The following CARD10 variants were observed in gnomAD, a reference collection of about 807,000 sequenced individuals.
CARD10 encodes the protein caspase recruitment domain-containing protein 10.
Under a neutral mutation model 114.6 loss-of-function variants are expected in CARD10, and 49 were observed. The ratio of observed to expected loss-of-function variants is 0.43; its 90% CI spans 0.34 to 0.54. The LOEUF is 0.54. CARD10 is among the 20% of genes least tolerant of loss of function. The pLI, the probability that CARD10 is intolerant of heterozygous loss-of-function variation, is 0.03. For synonymous variants in CARD10, 602 were observed against 593.2 expected, an observed-to-expected ratio of 1.01 and a Z score of -0.21; for missense variants, 1,206 against 1,397.2, an observed-to-expected ratio of 0.86 and a Z score of 2.18.
At chr22:37,503,062 G>T in intron 10 of CARD10, 123 bp downstream of exon 10, 2 of 1,112,952 alleles carry the variant, frequency 1.8e-6, no homozygotes, top group Non-Finnish European at 2.6e-6. Context: ...CAGGGGCCAC[G>T]GCGGGGCTTC....
chr22:37,503,289 C>T, intron 9 of CARD10, 76 bp from the exon 10 acceptor site: 2 of 1,396,814 alleles, frequency 1.4e-6, no homozygotes, highest in South Asian at 2.7e-5. Context: ...TCCTCCTGCC[C>T]CCACACCAGA....
intron 11 of CARD10, among the ~76,000 whole-genome samples, chr22:37,499,055 A>G (rs1204140389): frequency 2.0e-5 from 3 of 152,092 alleles, no homozygotes; most frequent in Non-Finnish European, 4.4e-5. Flanking sequence ...ATGGAATAGA[A>G]AGTACAATGC....
At chr22:37,512,609 C>G (rs376312613) in intron 3 of CARD10, among the ~76,000 whole-genome samples, 1 of 152,008 alleles carries the variant, frequency 6.6e-6, no homozygotes, top group Non-Finnish European at 1.5e-5. Context: ...TCATGACTCC[C>G]GCATTCCTTT....
chr22:37,513,389 C>T (rs925135781), intron 3 of CARD10, among the ~76,000 whole-genome samples: 1 of 152,142 alleles, frequency 6.6e-6, no homozygotes, highest in Non-Finnish European at 1.5e-5. Flanking sequence ...GGATTACAGG[C>T]ATGAGCCACT....
At position 37,519,408 on chromosome 22, in the gene CARD10, G is replaced by A. The variant is rs1002864153; in HGVS notation, c.-208C>T. On this transcript the variant is annotated 5_prime_UTR_variant, in exon 1 of 20. Transcript: ENST00000251973. The surrounding 1 kb of genome is among the most constrained non-coding windows in gnomAD (Gnocchi z 4.1). ...CGGGCGGCGGCTCCGCCGGCGCAGGGGGGCGGTGCCCGTGGCGCCCCCGGC... is the reference window on the plus strand; with the variant it reads ...CGGGCGGCGGCTCCGCCGGCGCAGGAGGGCGGTGCCCGTGGCGCCCCCGGC... The A allele has an allele frequency of 4.1e-5, 48 of 1,182,562 alleles. No individual in the cohort carries two copies. The African/African-American group carries it at 7.0e-4, about 17-fold the overall frequency. The allele number at this position is 1,182,562 out of a possible 1,614,324, so 73.3% of individuals were successfully genotyped here.
Position 37,518,967 on chromosome 22 carries a change from G to C in CARD10, c.234C>G (p.Thr78=), listed in dbSNP as rs1220795297. The change falls in exon 1 of 20, where the codon ACC becomes ACG. Residue 78 remains threonine (T), a splice_region_variant and synonymous_variant. Transcript: ENST00000251973. ...GCCCACTCGGGACCCGCGGCTCACC[G>C]GTGCGGTTGACGCGGCACGGGAAGC... ...TYRFPCRVNR[T]GRLMDILRCR... 1.3e-6 allele frequency: 2 copies of C among 1,531,766 alleles called. No individual in the cohort carries two copies. Among genetic ancestry groups the C allele is most frequent in the Non-Finnish European group, 1.8e-6 (2 of 1,141,102 alleles). 94.9% of individuals were successfully genotyped at this position (1,531,766 alleles called of 1,614,324 possible).
chr22:37,492,336 A>G lies in CARD10; in HGVS notation c.2751+99T>C, dbSNP rs1189778161. ...GGGCCGCCCTGCCAGTGAGCAGCAG[A>G]GCATGGCCCGCGCTCAGACGCTGGC... On this transcript the variant is annotated intron_variant, in intron 18 of 19. Coordinates refer to ENST00000251973, the MANE Select transcript of CARD10 (RefSeq NM_014550.4). This position sits in a 1 kb window ranked among gnomAD's most constrained non-coding sequence, Gnocchi z 5.7. The G allele has an allele frequency of 1.9e-5, 17 of 892,620 alleles. No individual in the cohort carries two copies. The highest frequency in any genetic ancestry group is 2.7e-5 in the Non-Finnish European group (16 of 598,752). 55.3% of individuals were successfully genotyped at this position (892,620 alleles called of 1,614,324 possible).
chr22:37,491,874 G>C lies in CARD10; in HGVS notation c.2752-7C>G, dbSNP rs758601530. 6.3e-7 allele frequency: 1 copy of C among 1,591,124 alleles called. No individual in the cohort carries two copies. The highest frequency in any genetic ancestry group is 1.1e-5 in the South Asian group (1 of 90,744). ...GCTCCAGCAGGCAGTGCTTCTGCTT[G>C]GAGGATCGAGGCTACAATGTACTCC... On this transcript the variant is annotated splice_region_variant and splice_polypyrimidine_tract_variant and intron_variant, in intron 18 of 19. Coordinates refer to ENST00000251973, the MANE Select transcript of CARD10 (RefSeq NM_014550.4).
In CARD10 at chr22:37,491,021, G is replaced by A. The variant is rs867694425; in HGVS notation, c.*138C>T. On this transcript the variant is annotated 3_prime_UTR_variant, in exon 20 of 20. Transcript: ENST00000251973. ...TCGGCAGGGCCAGAGACAGCCTTGG[G>A]GGTGAGAGGCCAGAGCCAAGGGCCC... 2 of 687,050 alleles carry A rather than the reference G, an allele frequency of 2.9e-6. No homozygotes were observed. Among genetic ancestry groups the A allele is most frequent in the African/African-American group, 1.8e-5 (1 of 55,986 alleles). The allele number at this position is 687,050 out of a possible 1,614,324, so 42.6% of individuals were successfully genotyped here.
Position 37,504,603 on chromosome 22 carries a change from C to A in CARD10, c.1518+32G>T, listed in dbSNP as rs750966440. ...TTAGTAATAATGCTATAGCAGTGTC[C>A]CCCCTTATTTGGGATGGGGCAGTTG... On this transcript the variant is annotated intron_variant, in intron 8 of 19. Transcript: ENST00000251973. 1.0e-5 allele frequency: 15 copies of A among 1,449,274 alleles called. No individual in the cohort carries two copies. In the South Asian group the frequency reaches 1.8e-4, roughly 17 times the overall value. 89.8% of individuals were successfully genotyped at this position (1,449,274 alleles called of 1,614,324 possible). A position where few individuals can be genotyped will look rare whatever the true frequency, so the allele number is the denominator to read the frequency against.
Position 37,491,741 on chromosome 22 carries a change from C to T in CARD10, c.2864+14G>A. On this transcript the variant is annotated intron_variant, in intron 19 of 19. Coordinates refer to ENST00000251973, the MANE Select transcript of CARD10 (RefSeq NM_014550.4). Reference sequence around the variant, plus strand: ...TCCGAGTGCCCTGCCCACTGCCCCACCCACCCACCTCACCTGACTTCCCGG... The same window carrying T: ...TCCGAGTGCCCTGCCCACTGCCCCATCCACCCACCTCACCTGACTTCCCGG... 5.0e-6 allele frequency: 5 copies of T among 992,782 alleles called. No homozygotes were observed. The highest frequency in any genetic ancestry group is 4.8e-6 in the Non-Finnish European group (3 of 628,462). The allele number at this position is 992,782 out of a possible 1,614,324, so 61.5% of individuals were successfully genotyped here. A position where few individuals can be genotyped will look rare whatever the true frequency, so the allele number is the denominator to read the frequency against.
chr22:37,508,752 G>A, intron 4 of CARD10, 70 bp from the exon 5 acceptor site: 1 of 1,460,442 alleles, frequency 6.8e-7, no homozygotes, highest in Non-Finnish European at 9.1e-7. Context: ...GAAGGAAGGG[G>A]ACACGCAGCT....
rs367675271 is a variant in CARD10 at position 37,512,564 on chromosome 22, ACTC to A, written c.700-2146_700-2144del. On this transcript the variant is annotated intron_variant, in intron 3 of 19. Transcript: ENST00000251973. ...AGGCAATTCTACAAATTAACAGTCC[ACTC>A]CTCCTCCTCCGCAAGAGACTCAGAA... 8.9e-4 allele frequency among the ~76,000 whole-genome samples: 132 copies of A among 147,520 alleles called. 1 individual carries two copies. The highest frequency in any genetic ancestry group is 1.7e-3 in the African/African-American group (68 of 39,818).
At chr22:37,498,802 G>T (rs2145757400) in intron 11 of CARD10, among the ~76,000 whole-genome samples, 1 of 150,808 alleles carries the variant, frequency 6.6e-6, no homozygotes, top group Admixed American at 6.7e-5. Flanking sequence ...AGGGCAAACT[G>T]CACCCTAGCC....
At chr22:37,495,470 C>A (rs1443302371) in intron 15 of CARD10, 47 bp downstream of exon 15, 2 of 1,526,314 alleles carry the variant, frequency 1.3e-6, no homozygotes, top group Non-Finnish European at 1.8e-6. Context: ...CCCTTTTGGA[C>A]CCCACCCTTG....
chr22:37,509,067 G>T, intron 4 of CARD10: 1 of 1,549,396 alleles, frequency 6.5e-7, no homozygotes, highest in Non-Finnish European at 8.7e-7. Context: ...ATGACTAGGG[G>T]TCTTCAAGGG....
chr22:37,514,371 A>G (rs773072235), intron 3 of CARD10, among the ~76,000 whole-genome samples: 1 of 152,130 alleles, frequency 6.6e-6, no homozygotes, highest in Middle Eastern at 3.2e-3. Flanking sequence ...AGCCTTCCCC[A>G]TGCCACATGG....
chr22:37,517,889 G>A, intron 2 of CARD10, 82 bp downstream of exon 2: 1 of 1,524,038 alleles, frequency 6.6e-7, no homozygotes, highest in Non-Finnish European at 8.9e-7. Context: ...AGGCATAGTG[G>A]GAGCGCCTCC....
Position 37,490,509 on chromosome 22 carries a change from G to C in CARD10, c.*650C>G, listed in dbSNP as rs1922729124. 1 of 152,274 alleles carries C rather than the reference G, an allele frequency of 6.6e-6. No individual in the cohort carries two copies. Among genetic ancestry groups the C allele is most frequent in the Non-Finnish European group, 1.5e-5 (1 of 68,082 alleles). 9.4% of individuals were successfully genotyped at this position (152,274 alleles called of 1,614,324 possible). ...GAGGCATAGGCAGGGAGTGGGCCCT[G>C]TGAGGCACGGTCCTGAGTGTGCCCG... On this transcript the variant is annotated 3_prime_UTR_variant, in exon 20 of 20. Coordinates refer to ENST00000251973, the MANE Select transcript of CARD10 (RefSeq NM_014550.4).
Sources: allele counts gnomAD v4.1 joint callset (sites outside exome capture counted in the v4.1 genomes callset), GRCh38; gene constraint gnomAD v4.1.1; non-coding constraint Gnocchi (gnomAD v3.1); transcripts MANE v1.5; gene names NCBI Gene and HGNC (gene_info 2026-07-23, HGNC 2026-07-21).